Variants in EYS observed in about 807,000 individuals in gnomAD.
EYS encodes the protein EGF-like photoreceptor maintenance factor.
EYS carries 250 observed loss-of-function variants against 282.1 expected under a neutral mutation model. The observed-to-expected ratio is 0.89, with a 90% CI of 0.80 to 0.98. EYS has a LOEUF of 0.98. EYS is among the 50% of genes least tolerant of loss of function. The pLI is 0.00. For missense variants in EYS, 4,016 were observed against 3,709.0 expected (o/e 1.08, Z -2.15); for synonymous variants, 1,355 against 1,282.9 (o/e 1.06, Z -1.20).
intron 1 of EYS, among the ~76,000 whole-genome samples, chr6:65,672,506 C>T (rs182747399): frequency 2.4e-3 from 361 of 152,214 alleles, no homozygotes; most frequent in African/African-American, 8.3e-3. Flanking sequence ...AGCTGGTCCA[C>T]AAATACTGGG....
chr6:65,677,867 G>A (rs1352740859), intron 1 of EYS, among the ~76,000 whole-genome samples: 1 of 152,036 alleles, frequency 6.6e-6, no homozygotes, highest in South Asian at 2.1e-4. Context: ...AAACAAGTTT[G>A]AGGGTGCAGA....
intron 12 of EYS, among the ~76,000 whole-genome samples, chr6:65,191,790 T>C (rs917538469): frequency 1.3e-5 from 2 of 151,844 alleles, no homozygotes; most frequent in African/African-American, 4.8e-5. Flanking sequence ...CAATACAGCA[T>C]GTATGTATCT....
chr6:64,891,453 G>T (rs1767290579), intron 18 of EYS, among the ~76,000 whole-genome samples: 1 of 151,986 alleles, frequency 6.6e-6, no homozygotes, highest in African/African-American at 2.4e-5. Flanking sequence ...ACAATGCTGA[G>T]CACTTGGGAC....
chr6:65,002,367 C>T (rs1174350327), intron 13 of EYS, among the ~76,000 whole-genome samples: 4 of 144,024 alleles, frequency 2.8e-5, no homozygotes, highest in African/African-American at 9.7e-5. Context: ...ATATCAAGAG[C>T]AGCAAAAATA....
intron 22 of EYS, among the ~76,000 whole-genome samples, chr6:64,655,374 T>TATATATAATATATAATATATAATATAA (rs1768708934): frequency 1.3e-5 from 2 of 151,978 alleles, no homozygotes; most frequent in Non-Finnish European, 2.9e-5. Context: ...TCTAATAATG[T>TATATATAATATATAATATATAATATAA]TATCAGGATA....
At chr6:64,463,701 A>G (rs1775829850) in intron 26 of EYS, among the ~76,000 whole-genome samples, 1 of 152,244 alleles carries the variant, frequency 6.6e-6, no homozygotes, top group African/African-American at 2.4e-5. Context: ...AAAGTCAAAT[A>G]AATGAAATCA....
At position 65,506,191 on chromosome 6, in the gene EYS, G is replaced by C. The variant is rs145232770; in HGVS notation, c.-332-10198C>G. Among the ~76,000 whole-genome samples the C allele has an allele frequency of 3.9e-4, 59 of 152,088 alleles. No homozygotes were observed. In the Middle Eastern group the frequency reaches 0.01, roughly 26 times the overall value. On this transcript the variant is annotated intron_variant, in intron 2 of 42. Coordinates refer to ENST00000503581, the MANE Select transcript of EYS (RefSeq NM_001142800.2). Reference sequence around the variant, plus strand: ...GTGGGAGCATAATATATCTTTTCTCGTCTCTTTTAACCTACCTGAGTCTTT... The same window carrying C: ...GTGGGAGCATAATATATCTTTTCTCCTCTCTTTTAACCTACCTGAGTCTTT...
chr6:65,004,161 G>A (rs2150129152), intron 13 of EYS, among the ~76,000 whole-genome samples: 1 of 147,538 alleles, frequency 6.8e-6, no homozygotes, highest in African/African-American at 2.4e-5. Flanking sequence ...GCCTAAGGGT[G>A]AATATTTTTA....
At chr6:65,527,050 CT>C (rs912167490) in intron 2 of EYS, among the ~76,000 whole-genome samples, 6 of 152,136 alleles carry the variant, frequency 3.9e-5, no homozygotes, top group African/African-American at 1.4e-4. Context: ...CTTCTCATCA[CT>C]TAAAAATTTC....
At chr6:63,854,146 C>T (rs924278077) in intron 36 of EYS, among the ~76,000 whole-genome samples, 1 of 152,190 alleles carries the variant, frequency 6.6e-6, no homozygotes, top group Non-Finnish European at 1.5e-5. Flanking sequence ...TATAAAGACA[C>T]ATGCATACCT....
At chr6:64,806,779 G>C (rs919173221) in intron 22 of EYS, among the ~76,000 whole-genome samples, 1 of 151,872 alleles carries the variant, frequency 6.6e-6, no homozygotes, top group Non-Finnish European at 1.5e-5. Flanking sequence ...TGTGGGGATG[G>C]ATGAGGACTC....
intron 11 of EYS, chr6:65,330,834 T>C (rs1226027455): frequency 2.1e-6 from 2 of 936,050 alleles, no homozygotes; most frequent in Non-Finnish European, 2.5e-6. Context: ...TATACACATT[T>C]AGAGTCTACT....
chr6:65,135,004 A>T (rs553359049), intron 12 of EYS, among the ~76,000 whole-genome samples: 6 of 152,008 alleles, frequency 3.9e-5, no homozygotes, highest in South Asian at 2.1e-4. Context: ...ATATATATAT[A>T]TTTTTTCAGA....
chr6:63,952,534 C>A (rs937451682), intron 35 of EYS, among the ~76,000 whole-genome samples: 41 of 152,146 alleles, frequency 2.7e-4, no homozygotes, highest in African/African-American at 9.9e-4. Flanking sequence ...TATTGATGGC[C>A]AGGCTTCTAA....
chr6:64,152,038 T>C (rs1774758603), intron 31 of EYS, among the ~76,000 whole-genome samples: 3 of 152,196 alleles, frequency 2.0e-5, no homozygotes, highest in Admixed American at 6.5e-5. Context: ...TGTTGTGCAG[T>C]TCACAAGTTC....
chr6:65,371,993 TAA>T (rs5876961), intron 8 of EYS, among the ~76,000 whole-genome samples: 8,003 of 93,142 alleles, frequency 0.086, 298 homozygotes, highest in Middle Eastern at 0.14. Flanking sequence ...AGGATAATTG[TAA>T]AAAAAAAAAA....
intron 34 of EYS, among the ~76,000 whole-genome samples, chr6:63,996,005 G>A (rs529674883): frequency 4.5e-4 from 66 of 146,860 alleles, no homozygotes; most frequent in African/African-American, 1.6e-3. Flanking sequence ...CTAATTTGCT[G>A]AATTTGATCA....
chr6:64,339,485 T>TGA, intron 29 of EYS, among the ~76,000 whole-genome samples: 1 of 152,028 alleles, frequency 6.6e-6, no homozygotes, highest in South Asian at 2.1e-4. Flanking sequence ...ACAGTGGATG[T>TGA]TGGAGTGATG....
Position 64,204,710 on chromosome 6 carries a change from A to C in EYS, c.6424+25882T>G, listed in dbSNP as rs528531627. Among the ~76,000 whole-genome samples the C allele has an allele frequency of 5.3e-5, 8 of 152,312 alleles. No individual in the cohort carries two copies. In the East Asian group the frequency reaches 1.5e-3, roughly 29 times the overall value. On this transcript the variant is annotated intron_variant, in intron 31 of 42. Transcript: ENST00000503581. ...GGAATTTCTGGGGAAGGGATTCATTATGAACAAGCACAAGAAAAGTTTCTG... is the reference window on the plus strand; with the variant it reads ...GGAATTTCTGGGGAAGGGATTCATTCTGAACAAGCACAAGAAAAGTTTCTG...
Sources: allele counts gnomAD v4.1 joint callset (sites outside exome capture counted in the v4.1 genomes callset), GRCh38; gene constraint gnomAD v4.1.1; transcripts MANE v1.5; gene names NCBI Gene and HGNC (gene_info 2026-07-23, HGNC 2026-07-21).